NEDD4L: variants seen among roughly 807,000 people sequenced by gnomAD.
The protein encoded by NEDD4L is NEDD4 like E3 ubiquitin protein ligase, also known as E3 ubiquitin-protein ligase NEDD4-like.
In NEDD4L, 54 loss-of-function variants were observed where a neutral mutation model predicts 148.9. The observed-to-expected ratio is 0.36, with a 90% CI of 0.29 to 0.45. The LOEUF is 0.45. Among genes scored for constraint, NEDD4L ranks in the 20% least tolerant of loss-of-function variants. The probability of loss-of-function intolerance (pLI) is 1.00; values close to 1 mark genes in which losing one functional copy is unlikely to be tolerated. For missense variants in NEDD4L, 856 were observed against 1,233.8 expected, an observed-to-expected ratio of 0.69 and a Z score of 4.59; for synonymous variants, 433 against 440.7, an observed-to-expected ratio of 0.98 and a Z score of 0.22.
chr18:58,392,572 C>G (rs575759672), intron 30 of NEDD4L, among the ~76,000 whole-genome samples: 54 of 152,064 alleles, frequency 3.6e-4, no homozygotes, highest in Non-Finnish European at 6.8e-4. Flanking sequence ...ACGTGACTCT[C>G]CAGATGGAAA....
rs12971090 is a variant in NEDD4L at position 58,322,225 on chromosome 18, T to C, written c.349-200T>C. 0.011 allele frequency among the ~76,000 whole-genome samples: 1,711 copies of C among 152,256 alleles called. 16 individuals are homozygous for C. The highest frequency in any genetic ancestry group is 0.032 in the South Asian group (154 of 4,824). On this transcript the variant is annotated intron_variant, in intron 6 of 30. Transcript: ENST00000400345. Reference sequence around the variant, plus strand: ...TTTGTCTGTGGCTGGGGCTGGCTCCTAAAACCCGGTGTGGATAGTGACATC... The same window carrying C: ...TTTGTCTGTGGCTGGGGCTGGCTCCCAAAACCCGGTGTGGATAGTGACATC...
chr18:58,169,416 G>A (rs1047622490), intron 2 of NEDD4L, among the ~76,000 whole-genome samples: 2 of 152,058 alleles, frequency 1.3e-5, no homozygotes, highest in African/African-American at 2.4e-5. Flanking sequence ...GAATGAATGC[G>A]ACATTGAATG....
intron 1 of NEDD4L, among the ~76,000 whole-genome samples, chr18:58,081,599 G>T (rs1247576834): frequency 2.6e-5 from 4 of 152,012 alleles, no homozygotes; most frequent in Non-Finnish European, 5.9e-5. Flanking sequence ...TCTGGATGCT[G>T]GAATTAACTC....
chr18:58,089,873 T>C (rs2083969807), intron 1 of NEDD4L, among the ~76,000 whole-genome samples: 1 of 149,214 alleles, frequency 6.7e-6, no homozygotes, highest in Non-Finnish European at 1.5e-5. Context: ...AGAGTCTTAC[T>C]CTGTTTCCCA....
At chr18:58,060,621 A>T (rs1233321109) in intron 1 of NEDD4L, among the ~76,000 whole-genome samples, 1 of 152,178 alleles carries the variant, frequency 6.6e-6, no homozygotes, top group Non-Finnish European at 1.5e-5. Flanking sequence ...TGTCTAGAAT[A>T]ATCCCTAGGT....
chr18:58,316,543 G>T (rs2058288789), intron 6 of NEDD4L, among the ~76,000 whole-genome samples: 1 of 152,190 alleles, frequency 6.6e-6, no homozygotes, highest in Non-Finnish European at 1.5e-5. Context: ...TGTTCATTCT[G>T]AGTGAACTTG....
intron 1 of NEDD4L, chr18:58,149,495 T>C: frequency 6.4e-7 from 1 of 1,551,158 alleles, no homozygotes; most frequent in Non-Finnish European, 8.7e-7. Flanking sequence ...TTTTCCAGCT[T>C]TCCTTTAATG....
At chr18:58,055,402 T>G (rs1472972145) in intron 1 of NEDD4L, among the ~76,000 whole-genome samples, 3 of 152,244 alleles carry the variant, frequency 2.0e-5, no homozygotes, top group Non-Finnish European at 4.4e-5. Context: ...TGTGTTTTGC[T>G]TACATGTGTT....
Position 58,314,856 on chromosome 18 carries a change from G to A in NEDD4L, c.298-1126G>A, listed in dbSNP as rs150882920. The stretch of plus-strand genomic sequence containing the variant: ...TTATCTAAAAGGAATTCCTACGCTT[G>A]GAGCAAGTCATTTCAATAAATCTCA... On this transcript the variant is annotated intron_variant, in intron 5 of 30. Coordinates refer to ENST00000400345, the MANE Select transcript of NEDD4L (RefSeq NM_001144967.3). Among the ~76,000 whole-genome samples the A allele has an allele frequency of 1.1e-3, 164 of 152,238 alleles. 1 individual carries two copies. Among genetic ancestry groups the A allele is most frequent in the Non-Finnish European group, 1.9e-3 (132 of 68,018 alleles).
chr18:58,324,996 C>T lies in NEDD4L; in HGVS notation c.514C>T (p.His172Tyr), dbSNP rs376332407. The change falls in exon 9 of 31, where the codon CAT (histidine) becomes TAT (tyrosine). Residue 172 changes from histidine (H) to tyrosine (Y), a missense_variant and splice_region_variant. By Grantham distance (83) the His-to-Tyr change is moderately conservative. Transcript: ENST00000400345. ...ENSDQRDDME[H>Y]GWEVVDSNDS... ...TCGTCCCTTTAACTTTATTCCGCAG[C>T]ATGGATGGGAAGTTGTTGACTCAAA... 73 of 1,612,770 alleles carry T rather than the reference C, an allele frequency of 4.5e-5. No homozygotes were observed. The highest frequency in any genetic ancestry group is 9.3e-6 in the Non-Finnish European group (11 of 1,179,206).
At chr18:58,133,653 T>C (rs1312195004) in intron 1 of NEDD4L, among the ~76,000 whole-genome samples, 2 of 152,216 alleles carry the variant, frequency 1.3e-5, no homozygotes, top group African/African-American at 4.8e-5. Context: ...TTCCCCTCCA[T>C]GCTTGCTAGA....
intron 1 of NEDD4L, among the ~76,000 whole-genome samples, chr18:58,053,145 G>A (rs2081951729): frequency 6.6e-6 from 1 of 152,154 alleles, no homozygotes; most frequent in Admixed American, 6.5e-5. Context: ...TGGTTTCCCA[G>A]GCACACTGAA....
chr18:58,068,453 C>T (rs2082717718), intron 1 of NEDD4L, among the ~76,000 whole-genome samples: 1 of 152,172 alleles, frequency 6.6e-6, no homozygotes, highest in South Asian at 2.1e-4. Flanking sequence ...CCTGCCTCGG[C>T]CTCCCAAAGT....
At chr18:58,110,256 G>A (rs1286904549) in intron 1 of NEDD4L, among the ~76,000 whole-genome samples, 3 of 152,314 alleles carry the variant, frequency 2.0e-5, no homozygotes, top group East Asian at 3.9e-4. Context: ...GCCAGCCATG[G>A]GAGTCAATCC....
chr18:58,162,884 T>C (rs1011345509), intron 1 of NEDD4L, among the ~76,000 whole-genome samples: 1 of 151,840 alleles, frequency 6.6e-6, no homozygotes, highest in African/African-American at 2.4e-5. Flanking sequence ...GGCAACATGG[T>C]GAAACCCCAT....
rs900439752 is a variant in NEDD4L, at chr18:58,385,443, G to A, written c.2427-83G>A. On this transcript the variant is annotated intron_variant, in intron 25 of 30. Transcript: ENST00000400345. Reference sequence around the variant, plus strand: ...CTCTGCTCTGCTGTCGTGGATGGAGGAGAAGCACTCCCTGTTGCGGAGAAA... The same window carrying A: ...CTCTGCTCTGCTGTCGTGGATGGAGAAGAAGCACTCCCTGTTGCGGAGAAA... The A allele has an allele frequency of 8.2e-6, 9 of 1,100,018 alleles. No homozygotes were observed. The African/African-American group carries it at 1.1e-4, about 13-fold the overall frequency. 68.1% of individuals were successfully genotyped at this position (1,100,018 alleles called of 1,614,324 possible).
intron 1 of NEDD4L, among the ~76,000 whole-genome samples, chr18:58,155,857 C>T (rs58318062): frequency 0.054 from 8,204 of 152,232 alleles, 339 homozygotes; most frequent in East Asian, 0.22. Context: ...ATCAGTTGCA[C>T]ATGGACTGTT....
chr18:58,345,835 G>A (rs910294423), intron 16 of NEDD4L, among the ~76,000 whole-genome samples: 5 of 151,884 alleles, frequency 3.3e-5, no homozygotes, highest in African/African-American at 7.3e-5. Context: ...TCTGTCTCCC[G>A]GGTTCATGCG....
rs907217983 is a variant in NEDD4L at position 58,389,172 on chromosome 18, G to A, written c.2635G>A (p.Val879Ile). ...YKNGYCPNHP[V>I]IQWFWKAVLL... ...GAACGGCTACTGCCCAAACCACCCC[G>A]TCATTCAGTGGTTCTGGAAGGTAAC... is the stretch of plus-strand genomic sequence containing the variant. The change falls in exon 28 of 31, where the codon GTC becomes ATC. Residue 879 changes from valine (V) to isoleucine (I), a missense_variant. Physicochemically the swap from Val to Ile is conservative, Grantham distance 29. Transcript: ENST00000400345. 55 of 1,613,176 alleles carry A rather than the reference G, an allele frequency of 3.4e-5. No individual in the cohort carries two copies. The highest frequency in any genetic ancestry group is 3.9e-5 in the Non-Finnish European group (46 of 1,179,342).
Sources: allele counts gnomAD v4.1 joint callset (sites outside exome capture counted in the v4.1 genomes callset), GRCh38; gene constraint gnomAD v4.1.1; transcripts MANE v1.5; gene names NCBI Gene and HGNC (gene_info 2026-07-23, HGNC 2026-07-21).